Variants in TTC7B observed in about 807,000 individuals in gnomAD.
TTC7B encodes tetratricopeptide repeat domain 7B, also known as tetratricopeptide repeat protein 7B.
TTC7B carries 28 observed loss-of-function variants against 106.8 expected under a neutral mutation model. The observed-to-expected ratio is 0.26, with a 90% CI of 0.19 to 0.36. The LOEUF (loss-of-function observed/expected upper bound fraction) is 0.36. Among genes scored for constraint, TTC7B ranks in the 10% least tolerant of loss-of-function variants. The pLI, the probability that TTC7B is intolerant of heterozygous loss-of-function variation, is 1.00. For synonymous variants in TTC7B, 405 were observed against 430.6 expected (o/e 0.94, Z 0.74); for missense variants, 862 against 1,076.4 (o/e 0.80, Z 2.79).
At chr14:90,554,164 C>T (rs4904703) in intron 19 of TTC7B, among the ~76,000 whole-genome samples, 6 of 152,024 alleles carry the variant, frequency 3.9e-5, no homozygotes, top group East Asian at 1.9e-4. Flanking sequence ...TTTAGAGAAC[C>T]GTTGCTGGCA....
At chr14:90,668,827 CTTTTTTTTT>C (rs11291974) in intron 9 of TTC7B, among the ~76,000 whole-genome samples, 10 of 88,532 alleles carry the variant, frequency 1.1e-4, no homozygotes, top group South Asian at 4.8e-4. Flanking sequence ...AAAATTTCAA[CTTTTTTTTT>C]TTTTTTTTTT....
At chr14:90,752,378 A>G (rs1021209374) in intron 3 of TTC7B, among the ~76,000 whole-genome samples, 1 of 152,104 alleles carries the variant, frequency 6.6e-6, no homozygotes, top group Non-Finnish European at 1.5e-5. Context: ...TAAAAAAAGA[A>G]AGATTCAGGC....
chr14:90,686,002 G>T (rs7149725), intron 7 of TTC7B, among the ~76,000 whole-genome samples: 28,323 of 152,012 alleles, frequency 0.19, 2,781 homozygotes, highest in East Asian at 0.29. Flanking sequence ...ATTTTATGAG[G>T]CCAATATTAC....
chr14:90,744,268 G>A (rs926506881), intron 4 of TTC7B, among the ~76,000 whole-genome samples: 2 of 152,166 alleles, frequency 1.3e-5, no homozygotes, highest in African/African-American at 2.4e-5. Flanking sequence ...CTCAGAGGAT[G>A]CTAAAATGCT....
intron 15 of TTC7B, among the ~76,000 whole-genome samples, chr14:90,628,413 C>G (rs566277592): frequency 2.0e-5 from 3 of 152,140 alleles, no homozygotes; most frequent in Non-Finnish European, 4.4e-5. Context: ...CCCCCAAGGC[C>G]CTGATTTCTC....
intron 1 of TTC7B, among the ~76,000 whole-genome samples, chr14:90,813,423 C>T (rs1045497668): frequency 6.6e-6 from 1 of 152,160 alleles, no homozygotes; most frequent in African/African-American, 2.4e-5. Flanking sequence ...GTGCCTAAAA[C>T]AGTGGCTAGC....
chr14:90,808,890 G>A lies in TTC7B; in HGVS notation c.121+7285C>T, dbSNP rs2030746172. 6.6e-6 allele frequency among the ~76,000 whole-genome samples: 1 copy of A among 152,226 alleles called. No homozygotes were observed. The highest frequency in any genetic ancestry group is 2.1e-4 in the South Asian group (1 of 4,834). ...TTCCTGCGTGCCCAGGGCACAGCTGGCCGGGCAGCTGGGGTGCAGGGATGC... is the reference window on the plus strand; with the variant it reads ...TTCCTGCGTGCCCAGGGCACAGCTGACCGGGCAGCTGGGGTGCAGGGATGC... On this transcript the variant is annotated intron_variant, in intron 1 of 19. Transcript: ENST00000328459. The surrounding 1 kb of genome is among the most constrained non-coding windows in gnomAD (Gnocchi z 4.2).
intron 15 of TTC7B, among the ~76,000 whole-genome samples, chr14:90,636,964 A>G (rs182948042): frequency 7.9e-5 from 12 of 151,378 alleles, no homozygotes; most frequent in Admixed American, 3.3e-4. Flanking sequence ...CAACTAAGAG[A>G]TTAAGAAAAA....
intron 9 of TTC7B, among the ~76,000 whole-genome samples, chr14:90,665,064 G>A (rs980728880): frequency 5.3e-5 from 8 of 152,136 alleles, no homozygotes; most frequent in Non-Finnish European, 8.8e-5. Context: ...GCAGAGGGAT[G>A]GCAGTGTGGG....
At position 90,531,446 on chromosome 14, in the gene TTC7B, C is replaced by CA. The variant is rs149989518; in HGVS notation, c.*9921dup. On this transcript the variant is annotated 3_prime_UTR_variant, in exon 20 of 20. Transcript: ENST00000328459. ...CAAAAATACAAAACAAAAAAACAAACAAAAAAAAAACAAAAAACAAAAATC... is the reference window on the plus strand; with the variant it reads ...CAAAAATACAAAACAAAAAAACAAACAAAAAAAAAAACAAAAAACAAAAATC... 5,837 of 144,572 alleles carry CA rather than the reference C, an allele frequency of 0.04. 362 individuals are homozygous for CA. The highest frequency in any genetic ancestry group is 0.14 in the African/African-American group (5,539 of 39,598). 9.0% of individuals were successfully genotyped at this position (144,572 alleles called of 1,614,324 possible). A position where few individuals can be genotyped will look rare whatever the true frequency, so the allele number is the denominator to read the frequency against.
intron 5 of TTC7B, among the ~76,000 whole-genome samples, chr14:90,707,266 C>T (rs1209206742): frequency 6.6e-6 from 1 of 152,174 alleles, no homozygotes; most frequent in Admixed American, 6.5e-5. Flanking sequence ...CCTAAGATGG[C>T]AAACTTGATC....
At chr14:90,774,796 T>C (rs1890973592) in intron 3 of TTC7B, among the ~76,000 whole-genome samples, 1 of 152,142 alleles carries the variant, frequency 6.6e-6, no homozygotes. Flanking sequence ...TCCCAGCACT[T>C]TGGGAGGCCG....
chr14:90,800,363 C>T lies in TTC7B; in HGVS notation c.122-14035G>A, dbSNP rs185906183. On this transcript the variant is annotated intron_variant, in intron 1 of 19. Transcript: ENST00000328459. ...GGTGTGGCAGACAGAATAATGGCCC[C>T]CAGACATGTCCACATCCTCATCTCT... 7.0e-4 allele frequency among the ~76,000 whole-genome samples: 107 copies of T among 152,256 alleles called. 4 individuals carry two copies. The South Asian group carries it at 0.012, about 17-fold the overall frequency.
chr14:90,769,622 A>T (rs771493670), intron 3 of TTC7B, among the ~76,000 whole-genome samples: 1 of 152,170 alleles, frequency 6.6e-6, no homozygotes, highest in South Asian at 2.1e-4. Flanking sequence ...TTTAAAAATT[A>T]GCCAGACATG....
At chr14:90,544,021 G>A (rs1280087440) in intron 19 of TTC7B, among the ~76,000 whole-genome samples, 3 of 152,256 alleles carry the variant, frequency 2.0e-5, no homozygotes, top group South Asian at 2.1e-4. Context: ...GGAGGAGCAC[G>A]TGGTTGGGGT....
chr14:90,651,436 T>C (rs1386264508), intron 13 of TTC7B, among the ~76,000 whole-genome samples: 1 of 152,256 alleles, frequency 6.6e-6, no homozygotes, highest in Non-Finnish European at 1.5e-5. Flanking sequence ...GCAGCTGTTA[T>C]ATAACATGAA....
intron 9 of TTC7B, among the ~76,000 whole-genome samples, chr14:90,670,647 G>A (rs1886596734): frequency 1.3e-5 from 2 of 152,128 alleles, no homozygotes; most frequent in Admixed American, 6.5e-5. Context: ...TGAGGACCAC[G>A]TTAAGAAAGC....
At chr14:90,638,431 C>T (rs948306913) in intron 15 of TTC7B, among the ~76,000 whole-genome samples, 2 of 151,994 alleles carry the variant, frequency 1.3e-5, no homozygotes, top group Non-Finnish European at 2.9e-5. Flanking sequence ...TCTATACCTT[C>T]GCAACAAGTA....
rs1890438448 is a variant in TTC7B at position 90,759,788 on chromosome 14, T to C, written c.446-14866A>G. Among the ~76,000 whole-genome samples, 1 of 152,246 alleles carries C rather than the reference T, an allele frequency of 6.6e-6. No homozygotes were observed. Among genetic ancestry groups the C allele is most frequent in the Non-Finnish European group, 1.5e-5 (1 of 68,044 alleles). ...TTTTGCTTAGGCACCTTGTGTGTTA[T>C]TCAGCTAGAGTTTATCTTCAATAGT... On this transcript the variant is annotated intron_variant, in intron 3 of 19. Transcript: ENST00000328459. The surrounding 1 kb of genome is among the most constrained non-coding windows in gnomAD (Gnocchi z 4.1).
Sources: gnomAD v4.1 joint callset for allele counts (sites outside exome capture counted in the v4.1 genomes callset) on GRCh38, gnomAD v4.1.1 for gene constraint, Gnocchi (gnomAD v3.1) non-coding constraint, MANE v1.5 for transcripts, NCBI Gene and HGNC (gene_info 2026-07-23, HGNC 2026-07-21) for gene names.